Variants in THSD4 observed in about 807,000 individuals in gnomAD.
THSD4 encodes the protein thrombospondin type-1 domain-containing protein 4.
In THSD4, 69 loss-of-function variants were observed where a neutral mutation model predicts 119.0. The observed-to-expected ratio is 0.58, with a 90% CI of 0.48 to 0.71. THSD4 has a LOEUF of 0.71. THSD4 is among the 30% of genes least tolerant of loss of function. The pLI, the probability that THSD4 is intolerant of heterozygous loss-of-function variation, is 0.00. For synonymous variants in THSD4, 524 were observed against 540.4 expected, an observed-to-expected ratio of 0.97 and a Z score of 0.42; for missense variants, 1,393 against 1,391.1, an observed-to-expected ratio of 1.00 and a Z score of -0.02.
intron 7 of THSD4, among the ~76,000 whole-genome samples, chr15:71,478,586 G>C (rs1239285919): frequency 6.6e-6 from 1 of 152,184 alleles, no homozygotes; most frequent in East Asian, 1.9e-4. Flanking sequence ...ATTGTGAAGA[G>C]AGATTTAGAC....
At chr15:71,658,846 G>T (rs1445285336) in intron 7 of THSD4, among the ~76,000 whole-genome samples, 1 of 152,172 alleles carries the variant, frequency 6.6e-6, no homozygotes, top group Non-Finnish European at 1.5e-5. Context: ...TGTGAAGAGA[G>T]ACCAGTCATT....
At chr15:71,623,778 C>A (rs2050459540) in intron 7 of THSD4, among the ~76,000 whole-genome samples, 1 of 152,016 alleles carries the variant, frequency 6.6e-6, no homozygotes, top group African/African-American at 2.4e-5. Flanking sequence ...CAAAAATTAG[C>A]CAGGCATGGT....
chr15:71,379,450 C>CGTTTT, intron 6 of THSD4, among the ~76,000 whole-genome samples: 1 of 77,590 alleles, frequency 1.3e-5, no homozygotes, highest in South Asian at 6.5e-4. Context: ...CAAATGGCTT[C>CGTTTT]TTTTTTTTTT....
intron 7 of THSD4, among the ~76,000 whole-genome samples, chr15:71,425,057 G>T (rs1263864510): frequency 6.6e-6 from 1 of 152,268 alleles, no homozygotes; most frequent in Admixed American, 6.5e-5. Context: ...CAGAACTTGA[G>T]TAGGTGCCTT....
chr15:71,683,076 C>T (rs1314383772), intron 8 of THSD4, among the ~76,000 whole-genome samples: 2 of 151,804 alleles, frequency 1.3e-5, no homozygotes, highest in African/African-American at 4.8e-5. Context: ...CTCACACCAC[C>T]ATGCCTGGCC....
rs1266746793 is a variant in THSD4 at position 71,778,711 on chromosome 15, A to C, written c.*1337A>C. The C allele has an allele frequency of 8.4e-6, 1 of 118,674 alleles. No homozygotes were observed. Among genetic ancestry groups the C allele is most frequent in the African/African-American group, 3.3e-5 (1 of 30,124 alleles). 7.4% of individuals were successfully genotyped at this position (118,674 alleles called of 1,614,324 possible). On this transcript the variant is annotated 3_prime_UTR_variant, in exon 18 of 18. Transcript: ENST00000261862. ...CTCACAGTCCATATGGCCCACCCCC[A>C]GACTTGAGCACCAAGCTCTGCATTA... is the stretch of plus-strand genomic sequence containing the variant.
chr15:71,384,331 G>A (rs1368194862), intron 6 of THSD4, among the ~76,000 whole-genome samples: 2 of 151,938 alleles, frequency 1.3e-5, no homozygotes, highest in African/African-American at 4.8e-5. Context: ...TGAGCCGAGA[G>A]TGCGCCACTG....
chr15:71,577,209 T>G (rs2049465578), intron 7 of THSD4, among the ~76,000 whole-genome samples: 1 of 152,202 alleles, frequency 6.6e-6, no homozygotes, highest in South Asian at 2.1e-4. Flanking sequence ...TTTTGTATGT[T>G]GTTTTAAATC....
chr15:71,227,823 A>C (rs2044030758), intron 4 of THSD4, among the ~76,000 whole-genome samples: 1 of 152,172 alleles, frequency 6.6e-6, no homozygotes, highest in Admixed American at 6.5e-5. Context: ...GACCTGTAAT[A>C]CACATGGCCT....
At chr15:71,426,695 T>C (rs189341660) in intron 7 of THSD4, among the ~76,000 whole-genome samples, 206 of 152,322 alleles carry the variant, frequency 1.4e-3, no homozygotes, top group African/African-American at 4.5e-3. Flanking sequence ...TGTGACTCTT[T>C]GTGGACTCTC....
At chr15:71,707,319 C>T (rs2052412909) in intron 8 of THSD4, among the ~76,000 whole-genome samples, 1 of 152,196 alleles carries the variant, frequency 6.6e-6, no homozygotes, top group South Asian at 2.1e-4. Context: ...AGATGACCAA[C>T]AAGGATAAAG....
chr15:71,182,596 T>G (rs1318703265), intron 3 of THSD4, among the ~76,000 whole-genome samples: 1 of 151,822 alleles, frequency 6.6e-6, no homozygotes, highest in Non-Finnish European at 1.5e-5. Context: ...TCCCACTATG[T>G]TATGTTTCCA....
At chr15:71,430,604 A>G (rs1595759917) in intron 7 of THSD4, among the ~76,000 whole-genome samples, 1 of 151,914 alleles carries the variant, frequency 6.6e-6, no homozygotes, top group East Asian at 1.9e-4. Context: ...TAAAAATACT[A>G]AAATTAGCTG....
intron 6 of THSD4, among the ~76,000 whole-genome samples, chr15:71,367,807 G>T (rs2045985430): frequency 6.6e-6 from 1 of 152,196 alleles, no homozygotes; most frequent in Non-Finnish European, 1.5e-5. Context: ...ACAGTAATGG[G>T]ATGGCTGGGT....
chr15:71,405,394 C>G (rs1210801813), intron 6 of THSD4, among the ~76,000 whole-genome samples: 2 of 152,104 alleles, frequency 1.3e-5, no homozygotes, highest in South Asian at 2.1e-4. Context: ...TTTTAGAGTC[C>G]CACTAGCATG....
intron 6 of THSD4, among the ~76,000 whole-genome samples, chr15:71,351,483 T>A (rs1383841613): frequency 6.6e-6 from 1 of 152,238 alleles, no homozygotes; most frequent in Non-Finnish European, 1.5e-5. Flanking sequence ...TCTCAAATTA[T>A]GGATTTCATC....
chr15:71,748,409 G>T lies in THSD4; in HGVS notation c.2242-12G>T, dbSNP rs774150190. The T allele has an allele frequency of 3.7e-6, 6 of 1,613,946 alleles. No individual in the cohort carries two copies. In the South Asian group the frequency reaches 6.6e-5, roughly 18 times the overall value. On this transcript the variant is annotated splice_polypyrimidine_tract_variant and intron_variant, in intron 13 of 17. Transcript: ENST00000261862. ...CTGCTGGTTCCCCTGACGTCAGTGTGCTGTGTTTCAGTGCTCGGTGCCCTG... is the reference window on the plus strand; with the variant it reads ...CTGCTGGTTCCCCTGACGTCAGTGTTCTGTGTTTCAGTGCTCGGTGCCCTG...
intron 7 of THSD4, among the ~76,000 whole-genome samples, chr15:71,551,545 A>G (rs796098987): frequency 2.0e-4 from 30 of 152,332 alleles, no homozygotes; most frequent in African/African-American, 7.0e-4. Flanking sequence ...ATACATTGGC[A>G]ATCACAGCTA....
At chr15:71,137,468 G>A (rs2040561793) in intron 1 of THSD4, among the ~76,000 whole-genome samples, 1 of 152,182 alleles carries the variant, frequency 6.6e-6, no homozygotes, top group Non-Finnish European at 1.5e-5. Flanking sequence ...AAACTTTTCT[G>A]GCTGGGATCC....
Sources: gnomAD v4.1 joint callset for allele counts (sites outside exome capture counted in the v4.1 genomes callset) on GRCh38, gnomAD v4.1.1 for gene constraint, MANE v1.5 for transcripts, NCBI Gene and HGNC (gene_info 2026-07-23, HGNC 2026-07-21) for gene names.